Variants in ZPBP observed in about 807,000 individuals in gnomAD.
ZPBP encodes zona pellucida binding protein.
A neutral mutation model predicts 44.8 loss-of-function variants in ZPBP; 26 were observed. That is an observed-to-expected ratio of 0.58 (90% confidence interval 0.43 to 0.81). The LOEUF (loss-of-function observed/expected upper bound fraction) is 0.81, where lower values mean the gene tolerates loss of function less well. Ranked by LOEUF, ZPBP falls within the 30% of genes least tolerant of loss-of-function variation. The pLI, the probability that ZPBP is intolerant of heterozygous loss-of-function variation, is 0.00. For missense variants in ZPBP, 409 were observed against 434.0 expected, an observed-to-expected ratio of 0.94 and a Z score of 0.51; for synonymous variants, 174 against 153.2, an observed-to-expected ratio of 1.14 and a Z score of -1.00.
At chr7:49,952,627 T>C (rs903222128) in intron 7 of ZPBP, among the ~76,000 whole-genome samples, 6 of 152,010 alleles carry the variant, frequency 3.9e-5, no homozygotes, top group African/African-American at 1.4e-4. Context: ...AGCTCTCTTC[T>C]CATCAGAAAC....
intron 4 of ZPBP, among the ~76,000 whole-genome samples, chr7:50,039,283 C>T (rs531204773): frequency 6.6e-6 from 1 of 151,978 alleles, no homozygotes; most frequent in South Asian, 2.1e-4. Flanking sequence ...AGTAAAAATA[C>T]TAAGAGGGTT....
chr7:50,033,806 C>T (rs1239463779), intron 4 of ZPBP, among the ~76,000 whole-genome samples: 1 of 152,078 alleles, frequency 6.6e-6, no homozygotes, highest in Non-Finnish European at 1.5e-5. Flanking sequence ...GATTCTCCCG[C>T]CTCAGCCTCC....
At chr7:49,845,927 C>T (rs960141363), downstream of ZPBP, among the ~76,000 whole-genome samples, 2 of 152,202 alleles carry the variant, frequency 1.3e-5, no homozygotes, top group Admixed American at 6.5e-5. Flanking sequence ...GGAGAGTTTT[C>T]ACTAATGAGT....
At chr7:50,028,927 T>C (rs1332007525) in intron 5 of ZPBP, among the ~76,000 whole-genome samples, 1 of 152,148 alleles carries the variant, frequency 6.6e-6, no homozygotes, top group Non-Finnish European at 1.5e-5. Flanking sequence ...CAAAGCTATG[T>C]CCAGATCCAA....
At chr7:50,033,447 C>T (rs1799689695) in intron 4 of ZPBP, among the ~76,000 whole-genome samples, 1 of 152,016 alleles carries the variant, frequency 6.6e-6, no homozygotes, top group South Asian at 2.1e-4. Context: ...GGGTTACTAG[C>T]CTTGTGGTAA....
At chr7:50,069,918 A>G (rs1801748953) in intron 3 of ZPBP, among the ~76,000 whole-genome samples, 1 of 152,038 alleles carries the variant, frequency 6.6e-6, no homozygotes, top group Admixed American at 6.5e-5. Flanking sequence ...CACACAGACC[A>G]TGCTAGGGAT....
intron 1 of ZPBP, among the ~76,000 whole-genome samples, chr7:49,922,436 G>A (rs76728040): frequency 6.6e-6 from 1 of 152,138 alleles, no homozygotes; most frequent in African/African-American, 2.4e-5. Context: ...TCCCATTCCG[G>A]AACTGGAAGA....
At chr7:50,085,884 A>C (rs1463208769) in intron 2 of ZPBP, among the ~76,000 whole-genome samples, 1 of 152,164 alleles carries the variant, frequency 6.6e-6, no homozygotes, top group Non-Finnish European at 1.5e-5. Flanking sequence ...GACTGTGTAC[A>C]TGCCCAGAAC....
intron 2 of ZPBP, among the ~76,000 whole-genome samples, chr7:49,899,304 G>A (rs1034444672): frequency 6.6e-6 from 1 of 151,974 alleles, no homozygotes; most frequent in African/African-American, 2.4e-5. Flanking sequence ...TGGCATGAAT[G>A]TTCATCATGC....
chr7:49,980,319 A>G (rs1400128767), intron 7 of ZPBP, among the ~76,000 whole-genome samples: 2 of 135,284 alleles, frequency 1.5e-5, no homozygotes, highest in African/African-American at 2.7e-5. Flanking sequence ...ATAAATATAT[A>G]ATATATAACA....
intron 3 of ZPBP, among the ~76,000 whole-genome samples, chr7:50,078,549 AT>A (rs1369722184): frequency 2.0e-5 from 3 of 151,136 alleles, no homozygotes; most frequent in Non-Finnish European, 4.5e-5. Flanking sequence ...TTAAAAAAAA[AT>A]AATATTCTTA....
At chr7:50,041,336 G>T (rs1800085338) in intron 4 of ZPBP, among the ~76,000 whole-genome samples, 1 of 152,176 alleles carries the variant, frequency 6.6e-6, no homozygotes, top group South Asian at 2.1e-4. Flanking sequence ...CCTCAAGTGG[G>T]TCCCTGACCC....
chr7:49,934,113 C>A (rs1184331044), downstream of ZPBP, among the ~76,000 whole-genome samples: 1 of 150,802 alleles, frequency 6.6e-6, no homozygotes, highest in Non-Finnish European at 1.5e-5. Flanking sequence ...ACAATAAAGA[C>A]AGTAATTCAA....
chr7:49,859,720 G>A, intron 2 of ZPBP, among the ~76,000 whole-genome samples: 1 of 152,186 alleles, frequency 6.6e-6, no homozygotes, highest in Non-Finnish European at 1.5e-5. Context: ...TCCTCAGAAT[G>A]ATCTTGATTA....
intron 4 of ZPBP, among the ~76,000 whole-genome samples, chr7:50,052,652 C>T (rs1235750287): frequency 2.6e-5 from 4 of 152,086 alleles, no homozygotes; most frequent in Non-Finnish European, 4.4e-5. Context: ...AATCCACAAA[C>T]GTCCATAGAA....
Position 49,876,209 on chromosome 7 carries a change from G to A in ZPBP, n.509+24909C>T, listed in dbSNP as rs142295541. ...AAGAGACACAGGTTGGGTAAATCAC[G>A]TCCAGATAGTAAGATACCGAAATGT... On this transcript the variant is annotated intron_variant and non_coding_transcript_variant, in intron 2 of 2. Coordinates refer to the ZPBP transcript ENST00000465922. 1.3e-3 allele frequency among the ~76,000 whole-genome samples: 194 copies of A among 152,254 alleles called. 1 individual carries two copies. The highest frequency in any genetic ancestry group is 4.5e-3 in the African/African-American group (188 of 41,544).
intron 6 of ZPBP, among the ~76,000 whole-genome samples, chr7:50,006,942 A>C (rs1014966706): frequency 1.3e-5 from 2 of 152,002 alleles, no homozygotes; most frequent in Admixed American, 6.6e-5. Context: ...TCCCCCAAAA[A>C]TTCATATGTT....
At chr7:50,033,292 T>C (rs768117304) in intron 4 of ZPBP, among the ~76,000 whole-genome samples, 12 of 152,164 alleles carry the variant, frequency 7.9e-5, no homozygotes. Context: ...TAAGACACAG[T>C]TGAAAACACA....
intron 1 of ZPBP, chr7:49,912,237 G>A (rs771806078): frequency 6.3e-7 from 1 of 1,596,910 alleles, no homozygotes; most frequent in Admixed American, 1.7e-5. Context: ...TTACTGATGT[G>A]AACATTCTAG....
Sources: gnomAD v4.1 joint callset for allele counts (sites outside exome capture counted in the v4.1 genomes callset) on GRCh38, gnomAD v4.1.1 for gene constraint, MANE v1.5 for transcripts, NCBI Gene and HGNC (gene_info 2026-07-23, HGNC 2026-07-21) for gene names.